NRG3: variants seen among roughly 807,000 people sequenced by gnomAD.
The protein encoded by NRG3 is pro-neuregulin-3, membrane-bound isoform.
In NRG3, 31 loss-of-function variants were observed where a neutral mutation model predicts 66.9. The observed-to-expected ratio is 0.46, with a 90% CI of 0.35 to 0.63. NRG3 has a LOEUF of 0.63. NRG3 is among the 20% of genes least tolerant of loss of function. The pLI, the probability that NRG3 is intolerant of heterozygous loss-of-function variation, is 0.00. For synonymous variants in NRG3, 393 were observed against 359.4 expected (o/e 1.09, Z -1.06); for missense variants, 910 against 878.9 (o/e 1.04, Z -0.45).
At chr10:82,770,079 T>C (rs183004489) in intron 3 of NRG3, among the ~76,000 whole-genome samples, 105 of 152,246 alleles carry the variant, frequency 6.9e-4, no homozygotes, top group African/African-American at 2.4e-3. Context: ...CTTTAATGAA[T>C]AGAATAAAAA....
In NRG3 at chr10:82,037,676, A is replaced by T. The variant is rs531874165; in HGVS notation, c.823+161513A>T. Among the ~76,000 whole-genome samples, 105 of 152,224 alleles carry T rather than the reference A, an allele frequency of 6.9e-4. 1 individual carries two copies. Among genetic ancestry groups the T allele is most frequent in the Admixed American group, 1.3e-3 (20 of 15,286 alleles). The stretch of plus-strand genomic sequence containing the variant: ...GACATCACGATGAGGCCTTATTCCA[A>T]CTTCAGGTTGCAGTGTGTTTTCAAC... On this transcript the variant is annotated intron_variant, in intron 1 of 8. Transcript: ENST00000372141.
intron 1 of NRG3, among the ~76,000 whole-genome samples, chr10:82,245,978 G>GTTTTTTTTTTT (rs372596396): frequency 7.7e-5 from 8 of 103,298 alleles, no homozygotes; most frequent in African/African-American, 3.0e-4. Flanking sequence ...CAGTCTTCTG[G>GTTTTTTTTTTT]TTTTTTTTTT....
At position 82,521,174 on chromosome 10, in the gene NRG3, CGTTAT is replaced by C. The variant is rs1269347566; in HGVS notation, c.953+162309_953+162313del. Among the ~76,000 whole-genome samples the C allele has an allele frequency of 2.4e-3, 361 of 151,860 alleles. 2 individuals are homozygous for C. Among genetic ancestry groups the C allele is most frequent in the African/African-American group, 8.4e-3 (348 of 41,436 alleles). On this transcript the variant is annotated intron_variant, in intron 2 of 8. Coordinates refer to ENST00000372141, the MANE Select transcript of NRG3 (RefSeq NM_001010848.4). ...CTGTCGTTTATTAAATGTGCAATAA[CGTTAT>C]GTGTACAAAAAATACCTTAATTAAA...
In NRG3 at chr10:81,967,607, AAGTT is replaced by A. The variant is rs146845130; in HGVS notation, c.823+91447_823+91450del. 3.7e-3 allele frequency among the ~76,000 whole-genome samples: 557 copies of A among 152,190 alleles called. 5 individuals are homozygous for A. The highest frequency in any genetic ancestry group is 0.013 in the African/African-American group (531 of 41,510). On this transcript the variant is annotated intron_variant, in intron 1 of 8. Coordinates refer to ENST00000372141, the MANE Select transcript of NRG3 (RefSeq NM_001010848.4). ...TTATATAGTCTGTTGATTTCTTAGA[AAGTT>A]AGATTATCCAACTGTAAGAGTGAGT...
chr10:82,284,454 A>G (rs1477285355), intron 1 of NRG3, among the ~76,000 whole-genome samples: 3 of 151,728 alleles, frequency 2.0e-5, no homozygotes, highest in African/African-American at 7.3e-5. Flanking sequence ...AAACTGGACT[A>G]TCTGTCTATT....
At chr10:82,900,068 G>A (rs1470054330) in intron 4 of NRG3, among the ~76,000 whole-genome samples, 2 of 152,194 alleles carry the variant, frequency 1.3e-5, no homozygotes, top group Non-Finnish European at 1.5e-5. Context: ...AGAAGGCAAA[G>A]GGGCAGCAGG....
Position 82,358,735 on chromosome 10 carries a change from A to G in NRG3, c.824-4A>G. 6.2e-7 allele frequency: 1 copy of G among 1,614,096 alleles called. No individual in the cohort carries two copies. Among genetic ancestry groups the G allele is most frequent in the Non-Finnish European group, 8.5e-7 (1 of 1,179,994 alleles). The stretch of plus-strand genomic sequence containing the variant: ...AGCGTTTCCCCCTGTGCTTTCCCTG[A>G]CAGATACGACGACATATTCCACAGA... On this transcript the variant is annotated splice_polypyrimidine_tract_variant and splice_region_variant and intron_variant, in intron 1 of 8. Transcript: ENST00000372141.
At chr10:82,810,695 G>A (rs1240943922) in intron 3 of NRG3, among the ~76,000 whole-genome samples, 2 of 148,868 alleles carry the variant, frequency 1.3e-5, no homozygotes, top group Admixed American at 6.7e-5. Flanking sequence ...CCCGGGAGAC[G>A]GAAGTTGTGG....
intron 2 of NRG3, among the ~76,000 whole-genome samples, chr10:82,473,298 A>C (rs550316838): frequency 6.6e-6 from 1 of 152,320 alleles, no homozygotes; most frequent in Non-Finnish European, 1.5e-5. Flanking sequence ...TTAGAGGGTG[A>C]CTAGAGTTAT....
chr10:82,725,543 T>A (rs2050460), intron 2 of NRG3, among the ~76,000 whole-genome samples: 103,854 of 152,004 alleles, frequency 0.68, 35,969 homozygotes, highest in East Asian at 0.85. Flanking sequence ...TAGGAAAAAT[T>A]GTATACATTA....
intron 3 of NRG3, among the ~76,000 whole-genome samples, chr10:82,780,570 TG>T (rs1269464404): frequency 1.3e-5 from 2 of 151,242 alleles, no homozygotes. Context: ...ACATTTTGGC[TG>T]GTATGTTGAG....
intron 1 of NRG3, among the ~76,000 whole-genome samples, chr10:81,971,502 C>T (rs2133372824): frequency 6.6e-6 from 1 of 152,302 alleles, no homozygotes; most frequent in African/African-American, 2.4e-5. Context: ...GGGACTTACA[C>T]TTCTGGCCCA....
intron 2 of NRG3, among the ~76,000 whole-genome samples, chr10:82,433,791 C>A (rs1269784216): frequency 6.6e-6 from 1 of 152,238 alleles, no homozygotes; most frequent in African/African-American, 2.4e-5. Flanking sequence ...GGTCTCTGTT[C>A]TACTTCATAG....
chr10:82,574,315 T>C (rs1186376009), intron 2 of NRG3, among the ~76,000 whole-genome samples: 1 of 151,732 alleles, frequency 6.6e-6, no homozygotes, highest in African/African-American at 2.4e-5. Flanking sequence ...TGCTCTCTCT[T>C]ATATGTGGGA....
At chr10:81,909,096 C>A (rs1228000165) in intron 1 of NRG3, among the ~76,000 whole-genome samples, 2 of 152,146 alleles carry the variant, frequency 1.3e-5, no homozygotes, top group African/African-American at 4.8e-5. Context: ...GGGAATAATT[C>A]TTTCTTGCTT....
chr10:81,903,374 G>A (rs1006216808), intron 1 of NRG3, among the ~76,000 whole-genome samples: 1 of 152,102 alleles, frequency 6.6e-6, no homozygotes, highest in Non-Finnish European at 1.5e-5. Flanking sequence ...CACAAGTCAT[G>A]TATGAGGTTT....
At chr10:82,951,657 C>G in intron 5 of NRG3, 86 bp downstream of exon 5, 4 of 1,123,072 alleles carry the variant, frequency 3.6e-6, no homozygotes, top group Non-Finnish European at 5.3e-6. Context: ...GTGTGCCACA[C>G]AGAGGGAACC....
At chr10:82,472,733 A>T (rs1265114643) in intron 2 of NRG3, among the ~76,000 whole-genome samples, 1 of 152,152 alleles carries the variant, frequency 6.6e-6, no homozygotes, top group Non-Finnish European at 1.5e-5. Flanking sequence ...AGATAACAGG[A>T]ATTAATTAGT....
At chr10:82,821,256 G>A (rs2061941441) in intron 3 of NRG3, among the ~76,000 whole-genome samples, 1 of 151,962 alleles carries the variant, frequency 6.6e-6, no homozygotes, top group African/African-American at 2.4e-5. Context: ...CCCTTTTCCA[G>A]CCCTACTGCC....
Sources: gnomAD v4.1 joint callset for allele counts (sites outside exome capture counted in the v4.1 genomes callset) on GRCh38, gnomAD v4.1.1 for gene constraint, MANE v1.5 for transcripts, NCBI Gene and HGNC (gene_info 2026-07-23, HGNC 2026-07-21) for gene names.